Variants in COL4A2 observed in about 807,000 individuals in gnomAD.
The protein encoded by COL4A2 is collagen type IV alpha 2 chain.
In COL4A2, 99 loss-of-function variants were observed where a neutral mutation model predicts 200.2. That is an observed-to-expected ratio of 0.49 (90% CI 0.42 to 0.58). The LOEUF is 0.58. Ranked by LOEUF, COL4A2 falls within the 20% of genes least tolerant of loss-of-function variation. The pLI is 0.00. For synonymous variants in COL4A2, 897 were observed against 900.6 expected (o/e 1.00, Z 0.07); for missense variants, 1,950 against 2,314.1 (o/e 0.84, Z 3.23).
chr13:110,387,412 G>A (rs1342242604), intron 4 of COL4A2, among the ~76,000 whole-genome samples: 2 of 152,240 alleles, frequency 1.3e-5, no homozygotes, highest in African/African-American at 2.4e-5. Context: ...GAATTGTGAT[G>A]CCCGGACATC....
chr13:110,505,831 G>A (rs554837958), intron 45 of COL4A2, among the ~76,000 whole-genome samples: 6 of 152,280 alleles, frequency 3.9e-5, no homozygotes, highest in South Asian at 2.1e-4. Flanking sequence ...GCTGGCCTGC[G>A]ATACTCCTCC....
intron 3 of COL4A2, among the ~76,000 whole-genome samples, chr13:110,327,187 C>A (rs1053409895): frequency 6.6e-6 from 1 of 152,202 alleles, no homozygotes; most frequent in African/African-American, 2.4e-5. Flanking sequence ...CACACTCTTA[C>A]ATCTGCTCCC....
chr13:110,504,326 G>T (rs959214457), intron 45 of COL4A2, 62 bp downstream of exon 45: 2 of 1,382,680 alleles, frequency 1.4e-6, no homozygotes, highest in East Asian at 4.6e-5. Flanking sequence ...CTCACAGACT[G>T]TGGTCTGCAG....
At chr13:110,432,436 A>G in intron 11 of COL4A2, 76 bp downstream of exon 11, 1 of 1,499,744 alleles carries the variant, frequency 6.7e-7, no homozygotes, top group Non-Finnish European at 8.9e-7. Context: ...TTTTTACCAT[A>G]AAACTTCTTG....
Position 110,508,003 on chromosome 13 carries a change from T to C in COL4A2, c.4663T>C (p.Cys1555Arg). ...PFLYCNPGDVCYYASRNDKSY... is the reference protein window; with the variant it reads ...PFLYCNPGDVRYYASRNDKSY... ...CCTGTACTGCAACCCTGGTGATGTC[T>C]GCTACTATGCCAGCCGGAACGACAA... The change falls in exon 47 of 48, where the codon TGC becomes CGC. Residue 1555 changes from cysteine to arginine, a missense_variant. By Grantham distance (180) the Cys-to-Arg change is radical. This residue lies in a region of COL4A2 where 1,385 missense variants were observed against 1,720.5 expected (regional missense o/e 0.80). Coordinates refer to ENST00000360467, the MANE Select transcript of COL4A2 (RefSeq NM_001846.4). This position sits in a 1 kb window ranked among gnomAD's most constrained non-coding sequence, Gnocchi z 6.1. 6.2e-7 allele frequency: 1 copy of C among 1,614,238 alleles called. No homozygotes were observed. The highest frequency in any genetic ancestry group is 8.5e-7 in the Non-Finnish European group (1 of 1,180,042).
intron 17 of COL4A2, 80 bp downstream of exon 17, chr13:110,445,962 C>A: frequency 6.8e-7 from 1 of 1,472,468 alleles, no homozygotes; most frequent in Non-Finnish European, 9.5e-7. Context: ...TGATGGTGTC[C>A]TGTGGAGGCA....
intron 4 of COL4A2, among the ~76,000 whole-genome samples, chr13:110,374,346 A>C (rs571922017): frequency 2.6e-5 from 4 of 152,352 alleles, no homozygotes; most frequent in Admixed American, 2.6e-4. Flanking sequence ...TGGAGCCAAC[A>C]CTTAACTTTC....
intron 13 of COL4A2, among the ~76,000 whole-genome samples, chr13:110,437,642 C>G (rs115306173): frequency 5.3e-5 from 8 of 152,144 alleles, no homozygotes; most frequent in Non-Finnish European, 7.3e-5. Context: ...ATGTTTTCTT[C>G]CGAAGAGTAT....
chr13:110,403,765 C>G (rs1447790214), intron 4 of COL4A2, among the ~76,000 whole-genome samples: 1 of 152,152 alleles, frequency 6.6e-6, no homozygotes, highest in African/African-American at 2.4e-5. Context: ...ATTTGTTACC[C>G]CAGCATCCCA....
chr13:110,410,525 CT>C (rs1879790059), intron 4 of COL4A2, among the ~76,000 whole-genome samples: 1 of 152,202 alleles, frequency 6.6e-6, no homozygotes, highest in African/African-American at 2.4e-5. Context: ...CATCTGGCAC[CT>C]TCCTAAAACC....
At chr13:110,384,921 G>T (rs1024984033) in intron 4 of COL4A2, among the ~76,000 whole-genome samples, 1 of 152,202 alleles carries the variant, frequency 6.6e-6, no homozygotes, top group African/African-American at 2.4e-5. Context: ...GGAGATGAGG[G>T]TACACTGTAG....
At chr13:110,485,072 CCCAGCCCGCA>C in intron 33 of COL4A2, 45 bp downstream of exon 33, 1 of 1,506,346 alleles carries the variant, frequency 6.6e-7, no homozygotes, top group South Asian at 1.3e-5. Flanking sequence ...TCCCTGCCGC[CCCAGCCCGCA>C]CCAGCTCGTG....
intron 4 of COL4A2, among the ~76,000 whole-genome samples, chr13:110,384,990 C>T (rs58461781): frequency 0.016 from 2,376 of 152,270 alleles, 55 homozygotes; most frequent in African/African-American, 0.052. Context: ...AGAGGCCGGG[C>T]GCGGTGGCTC....
At chr13:110,334,859 C>A (rs1456947500) in intron 3 of COL4A2, among the ~76,000 whole-genome samples, 5 of 152,156 alleles carry the variant, frequency 3.3e-5, no homozygotes, top group Non-Finnish European at 5.9e-5. Flanking sequence ...AGAGAAAAGA[C>A]CAGGGAAAAT....
At chr13:110,395,151 G>A (rs900479406) in intron 4 of COL4A2, among the ~76,000 whole-genome samples, 6 of 152,186 alleles carry the variant, frequency 3.9e-5, no homozygotes, top group Non-Finnish European at 7.3e-5. Flanking sequence ...ATATCAATGC[G>A]TAAGATGATA....
chr13:110,329,839 A>G (rs1308546629), intron 3 of COL4A2, among the ~76,000 whole-genome samples: 1 of 152,174 alleles, frequency 6.6e-6, no homozygotes, highest in Non-Finnish European at 1.5e-5. Context: ...TGGCAGGAGG[A>G]GAGAAAAACG....
chr13:110,398,773 T>G (rs61963203), intron 4 of COL4A2, among the ~76,000 whole-genome samples: 2,429 of 152,054 alleles, frequency 0.016, 26 homozygotes, highest in South Asian at 0.026. Context: ...GTCAGCATTA[T>G]AAGATATCAG....
chr13:110,469,395 C>A, intron 28 of COL4A2, 71 bp downstream of exon 28: 2 of 1,438,942 alleles, frequency 1.4e-6, no homozygotes, highest in South Asian at 2.5e-5. Context: ...CATAAGCATC[C>A]AGCTCTATTA....
chr13:110,319,204 A>T (rs1201152458), intron 3 of COL4A2, among the ~76,000 whole-genome samples: 1 of 152,108 alleles, frequency 6.6e-6, no homozygotes, highest in Non-Finnish European at 1.5e-5. Context: ...CCGCTGAGTG[A>T]GAACTGGTGG....
Sources: allele counts gnomAD v4.1 joint callset (sites outside exome capture counted in the v4.1 genomes callset), GRCh38; gene constraint gnomAD v4.1.1; regional missense constraint gnomAD v4.1.1; non-coding constraint Gnocchi (gnomAD v3.1); transcripts MANE v1.5; gene names NCBI Gene and HGNC (gene_info 2026-07-23, HGNC 2026-07-21).